The following ANKS1B variants were observed in gnomAD, a reference collection of about 807,000 sequenced individuals.
ANKS1B encodes the protein ankyrin repeat and sterile alpha motif domain containing 1B, also known as ankyrin repeat and sterile alpha motif domain-containing protein 1B.
In ANKS1B, 36 loss-of-function variants were observed where a neutral mutation model predicts 148.3. The observed-to-expected ratio is 0.24, with a 90% CI of 0.19 to 0.32. ANKS1B has a LOEUF of 0.32. Among genes scored for constraint, ANKS1B ranks in the 10% least tolerant of loss-of-function variants. ANKS1B has a pLI of 1.00. For synonymous variants in ANKS1B, 542 were observed against 560.8 expected, an observed-to-expected ratio of 0.97 and a Z score of 0.47; for missense variants, 1,157 against 1,542.6, an observed-to-expected ratio of 0.75 and a Z score of 4.19.
intron 1 of ANKS1B, among the ~76,000 whole-genome samples, chr12:99,898,000 G>C (rs1005562737): frequency 7.1e-6 from 1 of 140,836 alleles, no homozygotes; most frequent in Non-Finnish European, 1.7e-5. Context: ...GAAGTACAAT[G>C]ATGGAAGGCA....
At chr12:99,436,436 G>A (rs1251196394) in intron 11 of ANKS1B, among the ~76,000 whole-genome samples, 1 of 151,976 alleles carries the variant, frequency 6.6e-6, no homozygotes, top group Non-Finnish European at 1.5e-5. Context: ...TATTTTTAAA[G>A]ACTATCTCCT....
At chr12:99,527,900 C>T (rs2096943089) in intron 9 of ANKS1B, among the ~76,000 whole-genome samples, 1 of 150,676 alleles carries the variant, frequency 6.6e-6, no homozygotes, top group African/African-American at 2.4e-5. Flanking sequence ...AAAAAAATGG[C>T]CCAAATAGCC....
At chr12:99,272,652 T>A (rs1359339855) in intron 12 of ANKS1B, among the ~76,000 whole-genome samples, 1 of 152,218 alleles carries the variant, frequency 6.6e-6, no homozygotes. Flanking sequence ...AAATTTGAAG[T>A]AAAGAATTAA....
At chr12:99,509,276 C>T (rs959410014) in intron 9 of ANKS1B, among the ~76,000 whole-genome samples, 23 of 151,772 alleles carry the variant, frequency 1.5e-4, no homozygotes, top group African/African-American at 5.6e-4. Flanking sequence ...AGTCACATGT[C>T]TCTCACTTTA....
chr12:98,860,659 A>C (rs952659450), intron 17 of ANKS1B, among the ~76,000 whole-genome samples: 2 of 152,162 alleles, frequency 1.3e-5, no homozygotes, highest in African/African-American at 4.8e-5. Context: ...TTTGCTGAGG[A>C]TACTGGTTTC....
chr12:99,300,363 A>G (rs1408716118), intron 12 of ANKS1B, among the ~76,000 whole-genome samples: 4 of 152,142 alleles, frequency 2.6e-5, no homozygotes, highest in Non-Finnish European at 4.4e-5. Context: ...TATCATCCCA[A>G]TGCTACATGT....
intron 8 of ANKS1B, among the ~76,000 whole-genome samples, chr12:99,676,072 T>TA (rs1399032699): frequency 5.3e-5 from 8 of 152,270 alleles, no homozygotes; most frequent in African/African-American, 1.9e-4. Flanking sequence ...TTTTTTGTGA[T>TA]AGTGAGTGAG....
rs572369109 is a variant in ANKS1B, at chr12:98,823,652, C to T, written c.3066+5522G>A. 5.3e-5 allele frequency among the ~76,000 whole-genome samples: 8 copies of T among 152,348 alleles called. No individual in the cohort carries two copies. In the South Asian group the frequency reaches 1.7e-3, roughly 32 times the overall value. Reference sequence around the variant, plus strand: ...GACTACAGGCATCCGCCATCATGCCCAGCTAACTTTTGAGTCTTTAGTAGA... The same window carrying T: ...GACTACAGGCATCCGCCATCATGCCTAGCTAACTTTTGAGTCTTTAGTAGA... On this transcript the variant is annotated intron_variant, in intron 19 of 26. Coordinates refer to ENST00000683438, the MANE Select transcript of ANKS1B (RefSeq NM_001352186.2).
At chr12:99,220,981 T>C (rs565102558) in intron 14 of ANKS1B, among the ~76,000 whole-genome samples, 178 of 152,254 alleles carry the variant, frequency 1.2e-3, no homozygotes, top group African/African-American at 4.0e-3. Context: ...TTAATAATAA[T>C]ACAACATTTT....
chr12:99,196,003 A>T (rs1033535473), intron 14 of ANKS1B, among the ~76,000 whole-genome samples: 2 of 152,152 alleles, frequency 1.3e-5, no homozygotes, highest in Admixed American at 6.6e-5. Context: ...AGCCAATAAA[A>T]GTTATTATTA....
rs75321285 is a variant in ANKS1B at position 98,945,517 on chromosome 12, A to C, written c.2778+107640T>G. 9.3e-3 allele frequency among the ~76,000 whole-genome samples: 656 copies of C among 70,816 alleles called. 5 individuals are homozygous for C. The highest frequency in any genetic ancestry group is 0.018 in the Middle Eastern group (2 of 112). The allele number at this position is 70,816 out of a possible 152,430, so 46.5% of individuals were successfully genotyped here. On this transcript the variant is annotated intron_variant, in intron 17 of 26. Coordinates refer to ENST00000683438, the MANE Select transcript of ANKS1B (RefSeq NM_001352186.2). ...CTCAACAAACAAACAAAAAAAAAAA[A>C]AAAAAAAAAAAAAAAAAGGGAGAGA...
At chr12:99,049,170 C>G (rs2099964330) in intron 17 of ANKS1B, 1 of 152,082 alleles carries the variant, frequency 6.6e-6, no homozygotes, top group Non-Finnish European at 1.5e-5. Context: ...TAACCTTTTA[C>G]TTAAAATAAT....
At position 99,515,704 on chromosome 12, in the gene ANKS1B, G is replaced by A. The variant is rs71462281; in HGVS notation, c.1273-11063C>T. Among the ~76,000 whole-genome samples, 786 of 152,180 alleles carry A rather than the reference G, an allele frequency of 5.2e-3. 8 individuals carry two copies. In the South Asian group the frequency reaches 0.057, roughly 11 times the overall value. On this transcript the variant is annotated intron_variant, in intron 9 of 26. Transcript: ENST00000683438. ...GGGGGGTGTATATAACCAGCAATGG[G>A]ATTGCTGAATTACATGATAGCTCCC... is the stretch of plus-strand genomic sequence containing the variant.
chr12:99,689,450 C>T (rs766714660), intron 8 of ANKS1B, among the ~76,000 whole-genome samples: 7 of 152,192 alleles, frequency 4.6e-5, no homozygotes, highest in Non-Finnish European at 5.9e-5. Context: ...TTTACACACC[C>T]TGTATATTAA....
At chr12:99,932,185 G>A (rs1408609400) in intron 1 of ANKS1B, among the ~76,000 whole-genome samples, 1 of 152,112 alleles carries the variant, frequency 6.6e-6, no homozygotes, top group African/African-American at 2.4e-5. Flanking sequence ...GGACACTTAG[G>A]TTGATTCCAA....
intron 1 of ANKS1B, among the ~76,000 whole-genome samples, chr12:99,951,694 G>A (rs2095225287): frequency 6.7e-6 from 1 of 148,586 alleles, no homozygotes; most frequent in South Asian, 2.1e-4. Flanking sequence ...TGGCAACATA[G>A]CAAGACCTTG....
At chr12:99,643,020 A>T (rs1041477591) in intron 9 of ANKS1B, among the ~76,000 whole-genome samples, 1 of 152,088 alleles carries the variant, frequency 6.6e-6, no homozygotes, top group Admixed American at 6.6e-5. Context: ...CCCCCCCATC[A>T]TAAGATCCTT....
At chr12:99,614,716 G>A (rs2097936534) in intron 9 of ANKS1B, among the ~76,000 whole-genome samples, 1 of 151,862 alleles carries the variant, frequency 6.6e-6, no homozygotes, top group Non-Finnish European at 1.5e-5. Context: ...TATTGTGTAT[G>A]TTTATACTGA....
At chr12:99,574,618 G>C (rs1567385871) in intron 9 of ANKS1B, among the ~76,000 whole-genome samples, 1 of 151,914 alleles carries the variant, frequency 6.6e-6, no homozygotes, top group African/African-American at 2.4e-5. Flanking sequence ...GGAATGCAAG[G>C]TTGAGTTAAC....
Sources: gnomAD v4.1 joint callset for allele counts (sites outside exome capture counted in the v4.1 genomes callset) on GRCh38, gnomAD v4.1.1 for gene constraint, MANE v1.5 for transcripts, NCBI Gene and HGNC (gene_info 2026-07-23, HGNC 2026-07-21) for gene names.